MAP3K14: variants seen among roughly 807,000 people sequenced by gnomAD.
MAP3K14 encodes mitogen-activated protein kinase kinase kinase 14.
MAP3K14 carries 16 observed loss-of-function variants against 99.2 expected under a neutral mutation model. The observed-to-expected ratio is 0.16, with a 90% CI of 0.11 to 0.24. The LOEUF is 0.24. Among genes scored for constraint, MAP3K14 ranks in the 10% least tolerant of loss-of-function variants. The probability of loss-of-function intolerance (pLI) is 1.00; values close to 1 mark genes in which losing one functional copy is unlikely to be tolerated. For synonymous variants in MAP3K14, 462 were observed against 492.4 expected, an observed-to-expected ratio of 0.94 and a Z score of 0.82; for missense variants, 784 against 1,208.7, an observed-to-expected ratio of 0.65 and a Z score of 5.21.
At chr17:45,270,307 A>G (rs2044132479) in intron 11 of MAP3K14, 106 bp downstream of exon 11, 1 of 1,363,016 alleles carries the variant, frequency 7.3e-7, no homozygotes, top group Admixed American at 2.6e-5. Flanking sequence ...CAGAGGGGGA[A>G]ACTAAGGCTC....
At chr17:45,281,771 G>C (rs1249689049) in intron 6 of MAP3K14, 1 of 149,620 alleles carries the variant, frequency 6.7e-6, no homozygotes, top group Non-Finnish European at 1.5e-5. Flanking sequence ...AGCCTCCTGA[G>C]TAGCTGGGAT....
At chr17:45,277,207 G>T (rs1414247370) in intron 6 of MAP3K14, among the ~76,000 whole-genome samples, 2 of 152,016 alleles carry the variant, frequency 1.3e-5, no homozygotes, top group African/African-American at 4.8e-5. Context: ...CAATGTGCAG[G>T]TTTGTTACAT....
In MAP3K14 at chr17:45,286,427, T is replaced by C. The variant is rs377691659; in HGVS notation, c.1152+4A>G. ...ACATATACAGGTGCCGGGGGATTAG[T>C]TACCTCAGTGAGCAGGACACCCTCG... On this transcript the variant is annotated splice_donor_region_variant and intron_variant, in intron 5 of 15. Coordinates refer to ENST00000344686, the MANE Select transcript of MAP3K14 (RefSeq NM_003954.5). The surrounding 1 kb of genome is among the most constrained non-coding windows in gnomAD (Gnocchi z 4.1). 2.0e-5 allele frequency: 31 copies of C among 1,580,890 alleles called. No homozygotes were observed. Among genetic ancestry groups the C allele is most frequent in the Non-Finnish European group, 2.4e-5 (28 of 1,159,606 alleles).
intron 5 of MAP3K14, 22 bp from the exon 6 acceptor site, chr17:45,284,971 G>A: frequency 6.5e-7 from 1 of 1,550,222 alleles, no homozygotes; most frequent in South Asian, 1.2e-5. Context: ...AGGAGAGAGA[G>A]GACAGTTTCA....
Position 45,284,964 on chromosome 17 carries a change from A to G in MAP3K14, c.1153-15T>C, listed in dbSNP as rs1262321288. 1 of 1,550,856 alleles carries G rather than the reference A, an allele frequency of 6.4e-7. No homozygotes were observed. Among genetic ancestry groups the G allele is most frequent in the South Asian group, 1.2e-5 (1 of 83,998 alleles). ...GGCTTGAGTTTCTGGGGTTGGCAGGAGAGAGAGGACAGTTTCAGTGGCCAG... is the reference window on the plus strand; with the variant it reads ...GGCTTGAGTTTCTGGGGTTGGCAGGGGAGAGAGGACAGTTTCAGTGGCCAG... On this transcript the variant is annotated splice_polypyrimidine_tract_variant and intron_variant, in intron 5 of 15. Coordinates refer to ENST00000344686, the MANE Select transcript of MAP3K14 (RefSeq NM_003954.5).
chr17:45,288,812 C>T (rs766669036), intron 3 of MAP3K14, among the ~76,000 whole-genome samples: 6 of 152,232 alleles, frequency 3.9e-5, no homozygotes, highest in East Asian at 3.9e-4. Context: ...CATCCCTACT[C>T]GGTGCATCTC....
intron 1 of MAP3K14, among the ~76,000 whole-genome samples, chr17:45,313,941 T>C (rs2044506322): frequency 6.6e-6 from 1 of 152,206 alleles, no homozygotes; most frequent in African/African-American, 2.4e-5. Context: ...TCTTTGTCCC[T>C]GCCCTTCTTC....
intron 11 of MAP3K14, among the ~76,000 whole-genome samples, chr17:45,269,206 C>T (rs2044123393): frequency 6.6e-6 from 1 of 151,986 alleles, no homozygotes; most frequent in Admixed American, 6.6e-5. Context: ...GAGAAAGGGT[C>T]TTGCTATGTT....
rs866840617 is a variant in MAP3K14 at position 45,286,833 on chromosome 17, G to C, written c.750C>G (p.Pro250=). Residue 250 remains proline, a synonymous_variant, in exon 5 of 16, where the codon CCC becomes CCG. Transcript: ENST00000344686. This position sits in a 1 kb window ranked among gnomAD's most constrained non-coding sequence, Gnocchi z 4.1. The part of the protein sequence containing the change: ...WKLHHPQDGG[P]LPLPTHPFPY... ...GGAAGGGGTGCGTGGGCAGGGGCAGGGGGCCTCCGTCCTGGGGGTGGTGCA... is the reference window on the plus strand; with the variant it reads ...GGAAGGGGTGCGTGGGCAGGGGCAGCGGGCCTCCGTCCTGGGGGTGGTGCA... 1 of 1,613,700 alleles carries C rather than the reference G, an allele frequency of 6.2e-7. No homozygotes were observed. The highest frequency in any genetic ancestry group is 1.3e-5 in the African/African-American group (1 of 74,928).
chr17:45,276,551 G>A lies in MAP3K14; in HGVS notation c.1291-1958C>T, dbSNP rs186409175. Among the ~76,000 whole-genome samples, 1,209 of 150,778 alleles carry A rather than the reference G, an allele frequency of 8.0e-3. 17 individuals carry two copies. The highest frequency in any genetic ancestry group is 0.058 in the Middle Eastern group (17 of 294). On this transcript the variant is annotated intron_variant, in intron 6 of 15. Transcript: ENST00000344686. ...TTTTGAGACAGAGTCTCGCTGTGTC[G>A]CCCAGGCTGGAGTGCAGTGGCGCAA... is the stretch of plus-strand genomic sequence containing the variant.
At chr17:45,274,283 G>T in intron 7 of MAP3K14, 29 bp from the exon 8 acceptor site, 1 of 1,592,850 alleles carries the variant, frequency 6.3e-7, no homozygotes. Context: ...GGCTATACAT[G>T]GGACTTGCCC....
intron 3 of MAP3K14, among the ~76,000 whole-genome samples, chr17:45,288,615 A>T (rs944106402): frequency 6.6e-6 from 1 of 152,028 alleles, no homozygotes; most frequent in East Asian, 1.9e-4. Context: ...TGACCTCGTG[A>T]TCCACCTGCC....
At chr17:45,301,815 A>G (rs1206278930) in intron 1 of MAP3K14, among the ~76,000 whole-genome samples, 1 of 148,964 alleles carries the variant, frequency 6.7e-6, no homozygotes, top group East Asian at 2.0e-4. Context: ...GTGAGCACAT[A>G]TTAGTTTTCT....
chr17:45,273,442 C>T, intron 9 of MAP3K14, 61 bp downstream of exon 9: 1 of 1,287,482 alleles, frequency 7.8e-7, no homozygotes, highest in Non-Finnish European at 1.1e-6. Flanking sequence ...TTCTGGAAAG[C>T]ATGGAAGGCA....
Position 45,313,134 on chromosome 17 carries a change from T to C in MAP3K14, c.-21+3826A>G, listed in dbSNP as rs2044497507. Among the ~76,000 whole-genome samples, 6 of 152,104 alleles carry C rather than the reference T, an allele frequency of 3.9e-5. No homozygotes were observed. The South Asian group carries it at 1.2e-3, about 32-fold the overall frequency. On this transcript the variant is annotated intron_variant, in intron 1 of 15. Coordinates refer to ENST00000344686, the MANE Select transcript of MAP3K14 (RefSeq NM_003954.5). ...AGGGAGAACCCGAGAGCTGAAGCTT[T>C]TAGACTGAAGGACTGTCCCCCTAAA...
Position 45,286,609 on chromosome 17 carries a change from C to A in MAP3K14, c.974G>T (p.Arg325Leu), listed in dbSNP as rs754044184. ...GPHLEPSCLSRGAHEKFSVEE... is the reference protein window; with the variant it reads ...GPHLEPSCLSLGAHEKFSVEE... ...CACAGAAAACTTCTCATGGGCACCA[C>A]GAGACAGGCAGCTGGGCTCCAGGTG... The change falls in exon 5 of 16, where the codon CGT becomes CTT. Residue 325 changes from arginine (R) to leucine (L), a missense_variant. This residue lies in a region of MAP3K14 where 138 missense variants were observed against 164.1 expected (regional missense o/e 0.84). Coordinates refer to ENST00000344686, the MANE Select transcript of MAP3K14 (RefSeq NM_003954.5). This position sits in a 1 kb window ranked among gnomAD's most constrained non-coding sequence, Gnocchi z 4.1. The A allele has an allele frequency of 6.2e-7, 1 of 1,611,348 alleles. No individual in the cohort carries two copies. The highest frequency in any genetic ancestry group is 8.5e-7 in the Non-Finnish European group (1 of 1,178,930).
At position 45,267,419 on chromosome 17, in the gene MAP3K14, C is replaced by T. The variant is rs780159331; in HGVS notation, c.2313G>A (p.Gln771=). The change falls in exon 12 of 16, where the codon CAG becomes CAA. Residue 771 remains glutamine, a synonymous_variant. Coordinates refer to ENST00000344686, the MANE Select transcript of MAP3K14 (RefSeq NM_003954.5). The surrounding 1 kb of genome is among the most constrained non-coding windows in gnomAD (Gnocchi z 5.1). ...RKATVPEQEL[Q]QLEIELFLNS... ...GGCTGCCCGTACCTATTTCCAGCTG[C>T]TGCAGTTCCTGCTCCGGGACGGTTG... The T allele has an allele frequency of 4.4e-6, 7 of 1,595,974 alleles. No homozygotes were observed. The highest frequency in any genetic ancestry group is 3.5e-5 in the Admixed American group (2 of 56,684).
intron 5 of MAP3K14, among the ~76,000 whole-genome samples, chr17:45,285,490 G>T (rs942108602): frequency 6.6e-6 from 1 of 152,084 alleles, no homozygotes; most frequent in Non-Finnish European, 1.5e-5. Context: ...GCCAGGCATG[G>T]TAGTGCACAC....
intron 1 of MAP3K14, among the ~76,000 whole-genome samples, chr17:45,299,950 C>T (rs910346053): frequency 1.3e-5 from 2 of 152,024 alleles, no homozygotes; most frequent in African/African-American, 4.8e-5. Flanking sequence ...ATTAGCCAGG[C>T]ATGGTGGCGC....
Sources: allele counts gnomAD v4.1 joint callset (sites outside exome capture counted in the v4.1 genomes callset), GRCh38; gene constraint gnomAD v4.1.1; regional missense constraint gnomAD v4.1.1; non-coding constraint Gnocchi (gnomAD v3.1); transcripts MANE v1.5; gene names NCBI Gene and HGNC (gene_info 2026-07-23, HGNC 2026-07-21).